OPCML: variants seen among roughly 807,000 people sequenced by gnomAD.
OPCML encodes opioid binding protein/cell adhesion molecule like, also known as opioid-binding protein/cell adhesion molecule.
In OPCML, 13 loss-of-function variants were observed where a neutral mutation model predicts 37.8. The observed-to-expected ratio is 0.34, with a 90% CI of 0.22 to 0.55. OPCML has a LOEUF of 0.55. OPCML is among the 20% of genes least tolerant of loss of function. The pLI is 0.91. For synonymous variants in OPCML, 176 were observed against 168.8 expected (o/e 1.04, Z -0.33); for missense variants, 341 against 435.6 (o/e 0.78, Z 1.93).
rs138548443 is a variant in OPCML at position 133,408,588 on chromosome 11, G to C, written c.61+123676C>G. Among the ~76,000 whole-genome samples the C allele has an allele frequency of 1.1e-3, 170 of 152,306 alleles. 1 individual carries two copies. The highest frequency in any genetic ancestry group is 4.0e-3 in the African/African-American group (166 of 41,580). On this transcript the variant is annotated intron_variant, in intron 1 of 7. Coordinates refer to ENST00000524381, the MANE Select transcript of OPCML (RefSeq NM_001012393.5). ...CATCTCCCAGCAGCTCAGGGCGCCAGGTGGGAGTCAGTCCTGGACACGACA... is the reference window on the plus strand; with the variant it reads ...CATCTCCCAGCAGCTCAGGGCGCCACGTGGGAGTCAGTCCTGGACACGACA...
At chr11:132,478,551 T>C (rs549318410) in intron 4 of OPCML, among the ~76,000 whole-genome samples, 2 of 152,156 alleles carry the variant, frequency 1.3e-5, no homozygotes, top group East Asian at 1.9e-4. Context: ...AACAGCAACA[T>C]TGGGGGAATA....
In OPCML at chr11:132,420,304, G is replaced by A. The variant is rs374818696; in HGVS notation, c.917-11C>T. 1.2e-5 allele frequency: 19 copies of A among 1,613,184 alleles called. No individual in the cohort carries two copies. Among genetic ancestry groups the A allele is most frequent in the Non-Finnish European group, 1.6e-5 (19 of 1,179,614 alleles). ...TGACTGCTCCAGGCCCTGTGTAGGG[G>A]AGAGAGAGACAGACCCATTAGCATA... On this transcript the variant is annotated splice_polypyrimidine_tract_variant and intron_variant, in intron 7 of 7. Coordinates refer to ENST00000524381, the MANE Select transcript of OPCML (RefSeq NM_001012393.5).
At chr11:132,658,781 A>G (rs1002847794) in intron 2 of OPCML, among the ~76,000 whole-genome samples, 2 of 152,128 alleles carry the variant, frequency 1.3e-5, no homozygotes, top group Non-Finnish European at 2.9e-5. Context: ...CCATCTAACC[A>G]TTCACTCCTC....
intron 2 of OPCML, among the ~76,000 whole-genome samples, chr11:132,871,035 A>G (rs1220286101): frequency 6.6e-6 from 1 of 152,206 alleles, no homozygotes; most frequent in Admixed American, 6.5e-5. Context: ...GAAAATTCCT[A>G]AAAGAGTAGA....
chr11:133,272,266 AAAAG>A (rs1565541345), intron 1 of OPCML, among the ~76,000 whole-genome samples: 3 of 151,976 alleles, frequency 2.0e-5, no homozygotes, highest in Admixed American at 2.0e-4. Flanking sequence ...AAAAAAAAAA[AAAAG>A]AAAACTGAAA....
chr11:133,530,760 T>C (rs1436407026), intron 1 of OPCML, among the ~76,000 whole-genome samples: 1 of 152,230 alleles, frequency 6.6e-6, no homozygotes, highest in African/African-American at 2.4e-5. Flanking sequence ...CTTTAAAAAG[T>C]GCCATCTTCA....
intron 2 of OPCML, among the ~76,000 whole-genome samples, chr11:132,667,446 A>C (rs1942271537): frequency 1.3e-5 from 2 of 152,348 alleles, no homozygotes; most frequent in East Asian, 3.9e-4. Flanking sequence ...GACAAGGACC[A>C]GGCCTTCTTA....
At chr11:132,638,695 A>G (rs2135715766) in intron 3 of OPCML, among the ~76,000 whole-genome samples, 1 of 152,248 alleles carries the variant, frequency 6.6e-6, no homozygotes, top group Non-Finnish European at 1.5e-5. Context: ...GTGATTCAAC[A>G]GGCCCTGTGA....
At chr11:132,941,625 C>T (rs911215157) in intron 2 of OPCML, among the ~76,000 whole-genome samples, 2 of 152,194 alleles carry the variant, frequency 1.3e-5, no homozygotes, top group Admixed American at 6.5e-5. Context: ...GTGGTACCCA[C>T]ATGGCCAGGA....
intron 1 of OPCML, among the ~76,000 whole-genome samples, chr11:133,367,694 TGAG>T (rs1459231027): frequency 1.3e-5 from 2 of 152,200 alleles, no homozygotes; most frequent in Non-Finnish European, 2.9e-5. Context: ...TGTTTCTACT[TGAG>T]GAGTTTTACA....
At chr11:132,640,711 A>G (rs1355539300) in intron 3 of OPCML, among the ~76,000 whole-genome samples, 2 of 152,172 alleles carry the variant, frequency 1.3e-5, no homozygotes, top group South Asian at 2.1e-4. Flanking sequence ...GTAACGCAGT[A>G]GTTACGGTGT....
chr11:132,452,621 C>T (rs1045729611), intron 4 of OPCML, among the ~76,000 whole-genome samples: 4 of 151,590 alleles, frequency 2.6e-5, no homozygotes, highest in Admixed American at 6.6e-5. Context: ...ACTTTCCTTC[C>T]TTCTTGCCTT....
At chr11:133,084,586 G>C (rs1420801637) in intron 1 of OPCML, among the ~76,000 whole-genome samples, 1 of 152,166 alleles carries the variant, frequency 6.6e-6, no homozygotes, top group East Asian at 1.9e-4. Context: ...AAGCCAATCT[G>C]GGGTCAGGCA....
intron 1 of OPCML, among the ~76,000 whole-genome samples, chr11:133,146,455 C>G: frequency 6.6e-6 from 1 of 151,958 alleles, no homozygotes; most frequent in Non-Finnish European, 1.5e-5. Context: ...GCTGGGATTA[C>G]AGGCACCCGC....
At chr11:133,421,648 T>G in intron 1 of OPCML, 2 of 985,444 alleles carry the variant, frequency 2.0e-6, no homozygotes, top group Non-Finnish European at 2.4e-6. Flanking sequence ...TTATTTTGTT[T>G]CTTTTAGGTC....
chr11:133,115,152 C>T (rs1210827986), intron 1 of OPCML, among the ~76,000 whole-genome samples: 2 of 152,198 alleles, frequency 1.3e-5, no homozygotes, highest in African/African-American at 4.8e-5. Context: ...ACTCTTTGAT[C>T]TACATTCTAG....
intron 3 of OPCML, among the ~76,000 whole-genome samples, chr11:132,556,378 CA>C (rs2096395687): frequency 6.6e-6 from 1 of 152,096 alleles, no homozygotes; most frequent in East Asian, 1.9e-4. Flanking sequence ...CAAAGATCTT[CA>C]AAACATTCAG....
chr11:132,781,884 T>C (rs1947033662), intron 2 of OPCML, among the ~76,000 whole-genome samples: 1 of 149,618 alleles, frequency 6.7e-6, no homozygotes, highest in Admixed American at 6.6e-5. Flanking sequence ...AATGACGTCT[T>C]CTATCAGTGA....
intron 1 of OPCML, chr11:133,008,387 G>T: frequency 1.0e-6 from 1 of 985,376 alleles, no homozygotes; most frequent in Non-Finnish European, 1.2e-6. Context: ...AATTTCAGAG[G>T]ACATCCGAGA....
Sources: gnomAD v4.1 joint callset for allele counts (sites outside exome capture counted in the v4.1 genomes callset) on GRCh38, gnomAD v4.1.1 for gene constraint, MANE v1.5 for transcripts, NCBI Gene and HGNC (gene_info 2026-07-23, HGNC 2026-07-21) for gene names.